The following PSMD1 variants were observed in gnomAD, a reference collection of about 807,000 sequenced individuals.
PSMD1 encodes proteasome 26S subunit, non-ATPase 1.
PSMD1 carries 18 observed loss-of-function variants against 119.0 expected under a neutral mutation model. The ratio of observed to expected loss-of-function variants is 0.15; its 90% CI spans 0.10 to 0.22. The LOEUF is 0.22. Ranked by LOEUF, PSMD1 falls within the 10% of genes least tolerant of loss-of-function variation. The pLI is 1.00. For missense variants in PSMD1, 702 were observed against 1,158.5 expected (o/e 0.61, Z 5.72); for synonymous variants, 374 against 396.6 (o/e 0.94, Z 0.68).
chr2:231,100,368 G>GCAAGGGT (rs1298414541), intron 16 of PSMD1, among the ~76,000 whole-genome samples: 36 of 152,164 alleles, frequency 2.4e-4, no homozygotes, highest in Non-Finnish European at 4.7e-4. Context: ...TCCCCTGTTG[G>GCAAGGGT]CAAGGGTTAG....
rs183689035 is a variant in PSMD1 at position 231,087,897 on chromosome 2, A to G, written c.1883+716A>G. 8.8e-4 allele frequency among the ~76,000 whole-genome samples: 133 copies of G among 151,874 alleles called. 1 individual carries two copies. The highest frequency in any genetic ancestry group is 3.0e-3 in the African/African-American group (123 of 41,420). ...GAATCGCTTGAATCTGGGAGGCAGA[A>G]GTTGCAGTGAGCCGAGATCGCGCCA... On this transcript the variant is annotated intron_variant, in intron 16 of 24. Coordinates refer to ENST00000308696, the MANE Select transcript of PSMD1 (RefSeq NM_002807.4).
Position 231,083,637 on chromosome 2 carries a change from G to T in PSMD1, c.1596G>T (p.Met532Ile). The T allele has an allele frequency of 6.2e-7, 1 of 1,614,220 alleles. No homozygotes were observed. Among genetic ancestry groups the T allele is most frequent in the Non-Finnish European group, 8.5e-7 (1 of 1,180,036 alleles). ...GSKNAQAIED[M>I]VGYAQETQHE... ...AAAATGCTCAGGCTATTGAGGACAT[G>T]GTTGGTTATGCACAAGAAACTCAAC... Residue 532 changes from methionine (M) to isoleucine (I), a missense_variant, in exon 14 of 25, where the codon ATG (methionine) becomes ATT (isoleucine). By Grantham distance (10) the Met-to-Ile change is conservative (BLOSUM62 1). Coordinates refer to ENST00000308696, the MANE Select transcript of PSMD1 (RefSeq NM_002807.4).
At chr2:231,121,803 A>AT (rs1171108496) in intron 16 of PSMD1, among the ~76,000 whole-genome samples, 1 of 152,196 alleles carries the variant, frequency 6.6e-6, no homozygotes, top group Non-Finnish European at 1.5e-5. Context: ...CTTCTGCATA[A>AT]TTCTTTCAAT....
At chr2:231,080,028 C>T (rs1694268635) in intron 11 of PSMD1, 113 bp from the exon 12 acceptor site, 5 of 932,022 alleles carry the variant, frequency 5.4e-6, no homozygotes, top group Non-Finnish European at 7.7e-6. Context: ...CCACTACCTC[C>T]TTCTCTCTTA....
intron 16 of PSMD1, among the ~76,000 whole-genome samples, chr2:231,128,477 T>C (rs1179684210): frequency 6.6e-6 from 1 of 152,372 alleles, no homozygotes; most frequent in East Asian, 1.9e-4. Context: ...AAACTTAATC[T>C]GTTCTCGTTA....
Position 231,067,074 on chromosome 2 carries a change from G to A in PSMD1, c.473G>A (p.Arg158Gln), listed in dbSNP as rs769737752. ...GCTATTGGCATTGCTCTGGAGACAC[G>A]AAGACTGGACGTCTTTGAAAAGACC... Reference protein sequence around the residue: ...KQAIGIALETRRLDVFEKTIL... With the variant: ...KQAIGIALETQRLDVFEKTIL... The change falls in exon 5 of 25, where the codon CGA (arginine) becomes CAA (glutamine). Residue 158 changes from arginine (R) to glutamine (Q), a missense_variant. Physicochemically the swap from Arg to Gln is conservative, Grantham distance 43. Around this residue, in one of 9 missense-constraint regions of PSMD1, gnomAD observed 58 missense variants for 54.0 expected, o/e 1.07. Coordinates refer to ENST00000308696, the MANE Select transcript of PSMD1 (RefSeq NM_002807.4). 5 of 1,610,918 alleles carry A rather than the reference G, an allele frequency of 3.1e-6. No homozygotes were observed. Among genetic ancestry groups the A allele is most frequent in the African/African-American group, 1.3e-5 (1 of 74,794 alleles).
chr2:231,136,248 T>C (rs1269638933), intron 16 of PSMD1, among the ~76,000 whole-genome samples: 1 of 152,218 alleles, frequency 6.6e-6, no homozygotes, highest in East Asian at 1.9e-4. Flanking sequence ...TAAAAGAAAG[T>C]AGGGCAGGAC....
intron 18 of PSMD1, among the ~76,000 whole-genome samples, chr2:231,150,167 A>T (rs1014218531): frequency 3.0e-4 from 46 of 152,004 alleles, no homozygotes; most frequent in African/African-American, 1.0e-3. Flanking sequence ...AACATAGCGA[A>T]ACCCCGTCTC....
At chr2:231,110,128 T>C (rs1695104425) in intron 16 of PSMD1, among the ~76,000 whole-genome samples, 1 of 152,174 alleles carries the variant, frequency 6.6e-6, no homozygotes, top group Non-Finnish European at 1.5e-5. Context: ...GAGACAAGCC[T>C]GGCCAACATG....
At chr2:231,093,935 G>A (rs1217446347) in intron 16 of PSMD1, among the ~76,000 whole-genome samples, 8 of 152,066 alleles carry the variant, frequency 5.3e-5, no homozygotes, top group African/African-American at 9.7e-5. Flanking sequence ...TTTGTGGGCC[G>A]CCCTATAAAT....
At chr2:231,142,463 A>T (rs1040440874) in intron 17 of PSMD1, among the ~76,000 whole-genome samples, 1 of 152,078 alleles carries the variant, frequency 6.6e-6, no homozygotes, top group Non-Finnish European at 1.5e-5. Context: ...TTCTTTTCAG[A>T]TTATTCTGAA....
intron 19 of PSMD1, among the ~76,000 whole-genome samples, chr2:231,158,235 T>C (rs745365419): frequency 1.3e-5 from 2 of 151,968 alleles, no homozygotes; most frequent in Admixed American, 6.6e-5. Context: ...TGCTTGAGCC[T>C]GGAGGTGAAG....
chr2:231,162,627 G>T (rs1175053461), intron 20 of PSMD1, among the ~76,000 whole-genome samples: 2 of 152,098 alleles, frequency 1.3e-5, no homozygotes, highest in Non-Finnish European at 2.9e-5. Context: ...CCTTATGGTG[G>T]TATTTATTAT....
intron 4 of PSMD1, among the ~76,000 whole-genome samples, chr2:231,063,171 T>G (rs924868913): frequency 2.0e-5 from 3 of 152,244 alleles, no homozygotes; most frequent in Non-Finnish European, 4.4e-5. Flanking sequence ...CTAAAACCCA[T>G]ACTGTTTCTA....
At chr2:231,058,271 G>A (rs1196579494) in intron 1 of PSMD1, among the ~76,000 whole-genome samples, 1 of 152,074 alleles carries the variant, frequency 6.6e-6, no homozygotes, top group African/African-American at 2.4e-5. Context: ...CTTCTAACTC[G>A]GCCCAAACCA....
chr2:231,062,413 C>A, intron 3 of PSMD1, 92 bp downstream of exon 3: 1 of 1,530,746 alleles, frequency 6.5e-7, no homozygotes, highest in Non-Finnish European at 9.0e-7. Flanking sequence ...TAGAAATTTG[C>A]TGTTAACTGA....
intron 2 of PSMD1, 118 bp from the exon 3 acceptor site, chr2:231,062,130 G>C: frequency 1.6e-6 from 1 of 630,772 alleles, no homozygotes; most frequent in South Asian, 2.2e-5. Context: ...ATTTGTCATA[G>C]AGTAAAAGTT....
At chr2:231,087,323 A>G in intron 16 of PSMD1, 142 bp downstream of exon 16, 9 of 642,730 alleles carry the variant, frequency 1.4e-5, no homozygotes, top group South Asian at 3.9e-5. Flanking sequence ...AGTGAGGACC[A>G]TTTAATAGCG....
rs560037576 is a variant in PSMD1, at chr2:231,097,765, T to C, written c.1883+10584T>C. On this transcript the variant is annotated intron_variant, in intron 16 of 24. Coordinates refer to ENST00000308696, the MANE Select transcript of PSMD1 (RefSeq NM_002807.4). ...ATAGACGTGAGAGTCGAAAGACCCA[T>C]AGGGGGCTTCTCTTGCTTTACAGTG... Among the ~76,000 whole-genome samples, 4 of 152,270 alleles carry C rather than the reference T, an allele frequency of 2.6e-5. No individual in the cohort carries two copies. The South Asian group carries it at 6.2e-4, about 24-fold the overall frequency.
Sources: gnomAD v4.1 joint callset for allele counts (sites outside exome capture counted in the v4.1 genomes callset) on GRCh38, gnomAD v4.1.1 for gene constraint, gnomAD v4.1.1 regional missense constraint, MANE v1.5 for transcripts, NCBI Gene and HGNC (gene_info 2026-07-23, HGNC 2026-07-21) for gene names.